The following KCNH5 variants were observed in gnomAD, a reference collection of about 807,000 sequenced individuals.
The protein encoded by KCNH5 is potassium voltage-gated channel subfamily H member 5.
KCNH5 carries 46 observed loss-of-function variants against 96.1 expected under a neutral mutation model. That is an observed-to-expected ratio of 0.48 (90% CI 0.38 to 0.61). KCNH5 has a LOEUF of 0.61. Among genes scored for constraint, KCNH5 ranks in the 20% least tolerant of loss-of-function variants. The pLI is 0.00. For synonymous variants in KCNH5, 439 were observed against 449.8 expected (o/e 0.98, Z 0.30); for missense variants, 907 against 1,225.8 (o/e 0.74, Z 3.88).
At chr14:63,026,621 T>C (rs1322665104) in intron 1 of KCNH5, among the ~76,000 whole-genome samples, 6 of 152,008 alleles carry the variant, frequency 3.9e-5, no homozygotes, top group Non-Finnish European at 5.9e-5. Context: ...ACATCACTAA[T>C]CATCAGGGAA....
intron 1 of KCNH5, among the ~76,000 whole-genome samples, chr14:63,022,530 C>T (rs1891448370): frequency 6.6e-6 from 1 of 152,124 alleles, no homozygotes; most frequent in Non-Finnish European, 1.5e-5. Flanking sequence ...TCTTTTGGCT[C>T]TCATAAGACC....
intron 6 of KCNH5, among the ~76,000 whole-genome samples, chr14:62,967,504 T>C (rs1890326477): frequency 6.6e-6 from 1 of 151,844 alleles, no homozygotes; most frequent in Non-Finnish European, 1.5e-5. Flanking sequence ...GAAGAAAAAA[T>C]AATTTTGTTA....
chr14:62,878,210 G>C (rs12893788), intron 7 of KCNH5, among the ~76,000 whole-genome samples: 6 of 138,082 alleles, frequency 4.3e-5, no homozygotes, highest in African/African-American at 1.0e-4. Context: ...ATGGGGGGGG[G>C]GGCGGAGGGA....
Position 62,830,006 on chromosome 14 carries a change from C to T in KCNH5, c.1569+19647G>A, listed in dbSNP as rs35198743. 5.0e-3 allele frequency among the ~76,000 whole-genome samples: 769 copies of T among 152,298 alleles called. 4 individuals are homozygous for T. Among genetic ancestry groups the T allele is most frequent in the Non-Finnish European group, 8.0e-3 (545 of 68,034 alleles). On this transcript the variant is annotated intron_variant, in intron 8 of 10. Transcript: ENST00000322893. The stretch of plus-strand genomic sequence containing the variant: ...ATGCTTTGCTGCTTAGAAATTTCTT[C>T]TGCCAGGTACCCTAAATCATCTCTC...
intron 7 of KCNH5, among the ~76,000 whole-genome samples, chr14:62,947,345 G>C (rs1382751487): frequency 6.6e-6 from 1 of 151,984 alleles, no homozygotes; most frequent in African/African-American, 2.4e-5. Context: ...TGTATACGTA[G>C]GTATCCATTT....
intron 7 of KCNH5, among the ~76,000 whole-genome samples, chr14:62,898,899 T>A (rs1001221115): frequency 1.2e-4 from 18 of 152,150 alleles, no homozygotes; most frequent in African/African-American, 4.3e-4. Context: ...TAGAAATCCA[T>A]CAAAATTTCA....
At chr14:62,815,951 T>C (rs1021176509) in intron 8 of KCNH5, among the ~76,000 whole-genome samples, 7 of 151,868 alleles carry the variant, frequency 4.6e-5, no homozygotes, top group African/African-American at 1.4e-4. Flanking sequence ...GTAAAGAATA[T>C]ATTGATTGAT....
intron 1 of KCNH5, among the ~76,000 whole-genome samples, chr14:63,039,943 A>G (rs1376998921): frequency 1.3e-5 from 2 of 152,036 alleles, no homozygotes; most frequent in Non-Finnish European, 2.9e-5. Context: ...AATATTAACT[A>G]CTTGGTTCAC....
In KCNH5 at chr14:63,006,376, G is replaced by A. The variant is rs1891125928; in HGVS notation, c.294C>T (p.Tyr98=). 2.5e-6 allele frequency: 4 copies of A among 1,602,600 alleles called. No homozygotes were observed. The highest frequency in any genetic ancestry group is 1.3e-5 in the African/African-American group (1 of 74,724). The change falls in exon 3 of 11, where the codon TAC becomes TAT. Residue 98 remains tyrosine (Y), a synonymous_variant. Transcript: ENST00000322893. The part of the protein sequence containing the change: ...YESNCFEVLL[Y]KKNRTPVWFY... Reference sequence around the variant, plus strand: ...AATTGAGATACCTACTGTTTTTCTTGTACAGAAGAACTTCAAAGCAGTTTG... The same window carrying A: ...AATTGAGATACCTACTGTTTTTCTTATACAGAAGAACTTCAAAGCAGTTTG...
At chr14:62,789,769 T>C (rs886883839) in intron 9 of KCNH5, among the ~76,000 whole-genome samples, 7 of 151,986 alleles carry the variant, frequency 4.6e-5, no homozygotes, top group African/African-American at 1.7e-4. Context: ...CACTTTTTAA[T>C]AGGGTTATTT....
chr14:62,720,100 C>T (rs1055034184), intron 10 of KCNH5, among the ~76,000 whole-genome samples: 6 of 152,076 alleles, frequency 3.9e-5, no homozygotes, highest in African/African-American at 9.6e-5. Context: ...GATATTTGAG[C>T]GAGATATTCA....
intron 7 of KCNH5, among the ~76,000 whole-genome samples, chr14:62,903,448 T>C (rs1383150262): frequency 1.3e-5 from 2 of 152,096 alleles, no homozygotes; most frequent in African/African-American, 4.8e-5. Context: ...TATTCTCAAA[T>C]TGGAAAAAAA....
chr14:62,741,337 T>A (rs1382606530), intron 10 of KCNH5, among the ~76,000 whole-genome samples: 3 of 152,126 alleles, frequency 2.0e-5, no homozygotes, highest in African/African-American at 7.2e-5. Context: ...TTAAGGGAAA[T>A]CTCGTGATAT....
chr14:62,893,945 CA>C (rs1293141866), intron 7 of KCNH5, among the ~76,000 whole-genome samples: 5 of 152,170 alleles, frequency 3.3e-5, no homozygotes, highest in Non-Finnish European at 7.4e-5. Flanking sequence ...TAACCTTCAG[CA>C]ATGACTACTC....
chr14:62,748,586 A>T (rs1885428179), intron 10 of KCNH5, among the ~76,000 whole-genome samples: 1 of 152,022 alleles, frequency 6.6e-6, no homozygotes, highest in African/African-American at 2.4e-5. Flanking sequence ...AGAGGACCTT[A>T]ATCCTAAGGG....
chr14:63,018,071 AAAG>A (rs1167246350), intron 1 of KCNH5, among the ~76,000 whole-genome samples: 1 of 152,030 alleles, frequency 6.6e-6, no homozygotes, highest in African/African-American at 2.4e-5. Context: ...AATAGATACT[AAAG>A]AAGCATGGGA....
At chr14:62,793,259 T>C (rs1359470854) in intron 9 of KCNH5, among the ~76,000 whole-genome samples, 1 of 151,800 alleles carries the variant, frequency 6.6e-6, no homozygotes, top group Non-Finnish European at 1.5e-5. Flanking sequence ...CACAGTACTG[T>C]GAACTTCAAA....
At chr14:62,744,439 C>T (rs778648650) in intron 10 of KCNH5, among the ~76,000 whole-genome samples, 18 of 152,118 alleles carry the variant, frequency 1.2e-4, no homozygotes, top group Non-Finnish European at 2.1e-4. Context: ...AATTGAAGCA[C>T]AAGAGATTAA....
intron 10 of KCNH5, among the ~76,000 whole-genome samples, chr14:62,751,340 C>G (rs1885494546): frequency 6.6e-6 from 1 of 152,032 alleles, no homozygotes; most frequent in Admixed American, 6.5e-5. Context: ...TATAATGGGT[C>G]AAAACAGAAT....
Sources: gnomAD v4.1 joint callset for allele counts (sites outside exome capture counted in the v4.1 genomes callset) on GRCh38, gnomAD v4.1.1 for gene constraint, MANE v1.5 for transcripts, NCBI Gene and HGNC (gene_info 2026-07-23, HGNC 2026-07-21) for gene names.